RUNX2: variants seen among roughly 807,000 people sequenced by gnomAD.
RUNX2 encodes RUNX family transcription factor 2.
Under a neutral mutation model 51.7 loss-of-function variants are expected in RUNX2, and 10 were observed. That is an observed-to-expected ratio of 0.19 (90% CI 0.12 to 0.33). RUNX2 has a LOEUF of 0.33. Ranked by LOEUF, RUNX2 falls within the 10% of genes least tolerant of loss-of-function variation. The pLI is 1.00. For synonymous variants in RUNX2, 276 were observed against 273.6 expected, an observed-to-expected ratio of 1.01 and a Z score of -0.09; for missense variants, 562 against 691.3, an observed-to-expected ratio of 0.81 and a Z score of 2.10.
intron 2 of RUNX2, among the ~76,000 whole-genome samples, chr6:45,368,089 TAC>T (rs79523305): frequency 0.13 from 20,116 of 152,102 alleles, 1,531 homozygotes; most frequent in East Asian, 0.26. Context: ...CACTAATAAA[TAC>T]AGTTACTGTG....
chr6:45,529,563 G>T (rs1279659845), intron 7 of RUNX2, among the ~76,000 whole-genome samples: 1 of 151,984 alleles, frequency 6.6e-6, no homozygotes, highest in Non-Finnish European at 1.5e-5. Flanking sequence ...AGCCCATTGA[G>T]GGAAACGGGA....
chr6:45,383,163 G>A (rs948326045), intron 2 of RUNX2, among the ~76,000 whole-genome samples: 17 of 152,218 alleles, frequency 1.1e-4, no homozygotes, highest in Middle Eastern at 3.4e-3. Flanking sequence ...GGCCGGGCAC[G>A]GTGACTCAAA....
At chr6:45,458,207 A>C (rs899999866) in intron 5 of RUNX2, among the ~76,000 whole-genome samples, 5 of 152,070 alleles carry the variant, frequency 3.3e-5, no homozygotes, top group Admixed American at 6.5e-5. Flanking sequence ...TTGTATTTTT[A>C]GTAGGGACGG....
At chr6:45,342,115 A>G (rs1789901588) in intron 2 of RUNX2, among the ~76,000 whole-genome samples, 1 of 152,212 alleles carries the variant, frequency 6.6e-6, no homozygotes, top group African/African-American at 2.4e-5. Flanking sequence ...AAGGAAAATG[A>G]GACTGCCACT....
intron 7 of RUNX2, among the ~76,000 whole-genome samples, chr6:45,542,769 T>C (rs1211972412): frequency 2.0e-5 from 3 of 152,246 alleles, no homozygotes; most frequent in Non-Finnish European, 4.4e-5. Context: ...TAGATAGACC[T>C]GTGATCATGT....
At position 45,547,019 on chromosome 6, in the gene RUNX2, C is replaced by T. The variant is rs765308202; in HGVS notation, c.1280C>T (p.Pro427Leu). 4 of 1,614,122 alleles carry T rather than the reference C, an allele frequency of 2.5e-6. No homozygotes were observed. The highest frequency in any genetic ancestry group is 1.7e-6 in the Non-Finnish European group (2 of 1,180,036). Residue 427 changes from proline to leucine, a missense_variant, in exon 9 of 9, where the codon CCC becomes CTC. Transcript: ENST00000647337. ...CACACCTACCTGCCACCACCCTACC[C>T]CGGCTCTTCCCAAAGCCAGAGTGGA... ...HYHTYLPPPYPGSSQSQSGPF... is the reference protein window; with the variant it reads ...HYHTYLPPPYLGSSQSQSGPF...
At chr6:45,492,184 A>C in intron 6 of RUNX2, 70 bp downstream of exon 6, 3 of 1,478,916 alleles carry the variant, frequency 2.0e-6, no homozygotes, top group Non-Finnish European at 2.8e-6. Context: ...ACCAGAGGAG[A>C]TGTGTTCACT....
chr6:45,492,457 T>C (rs1357058240), intron 6 of RUNX2, among the ~76,000 whole-genome samples: 1 of 152,194 alleles, frequency 6.6e-6, no homozygotes, highest in South Asian at 2.1e-4. Context: ...CCCTTACTAT[T>C]AGAAAATTAG....
intron 2 of RUNX2, chr6:45,421,350 A>T (rs1798181776): frequency 6.6e-6 from 1 of 152,194 alleles, no homozygotes; most frequent in Non-Finnish European, 1.5e-5. Context: ...AGAAATGTCC[A>T]GCTATGCACT....
At position 45,422,827 on chromosome 6, in the gene RUNX2, A is replaced by G. The variant is rs766042547; in HGVS notation, c.293A>G (p.Asp98Gly). Reference protein sequence around the residue: ...AAVPRLRPPHDNRTMVEIIAD... With the variant: ...AAVPRLRPPHGNRTMVEIIAD... ...GTGCCCCGGTTGCGGCCGCCCCACG[A>G]CAACCGCACCATGGTGGAGATCATC... Residue 98 changes from aspartate (D) to glycine (G), a missense_variant, in exon 3 of 9, where the codon GAC (aspartate) becomes GGC (glycine). Asp to Gly is a moderately conservative substitution (Grantham distance 94, BLOSUM62 -1). Coordinates refer to ENST00000647337, the MANE Select transcript of RUNX2 (RefSeq NM_001024630.4). 2 of 1,605,276 alleles carry G rather than the reference A, an allele frequency of 1.2e-6. No homozygotes were observed. The highest frequency in any genetic ancestry group is 2.2e-5 in the South Asian group (2 of 90,394).
At chr6:45,490,256 A>G (rs79710028) in intron 5 of RUNX2, among the ~76,000 whole-genome samples, 1 of 152,348 alleles carries the variant, frequency 6.6e-6, no homozygotes, top group East Asian at 1.9e-4. Flanking sequence ...GATACAAAAC[A>G]GTAATGGTGG....
Position 45,418,475 on chromosome 6 carries a change from T to C in RUNX2, c.59-4118T>C, listed in dbSNP as rs1269421868. On this transcript the variant is annotated intron_variant, in intron 2 of 8. Transcript: ENST00000647337. The stretch of plus-strand genomic sequence containing the variant: ...ATACAACTGAAAAGATGAATATTTC[T>C]GAAGAGAAATAGGGTGGGTGATTTG... Among the ~76,000 whole-genome samples, 4 of 152,208 alleles carry C rather than the reference T, an allele frequency of 2.6e-5. No homozygotes were observed. In the East Asian group the frequency reaches 7.7e-4, roughly 29 times the overall value.
At chr6:45,341,690 C>T (rs373604099) in intron 2 of RUNX2, among the ~76,000 whole-genome samples, 2 of 152,062 alleles carry the variant, frequency 1.3e-5, no homozygotes, top group African/African-American at 4.8e-5. Context: ...AAAATAACTA[C>T]GGAATAACAG....
At chr6:45,356,543 G>A (rs879881627) in intron 2 of RUNX2, among the ~76,000 whole-genome samples, 1 of 151,906 alleles carries the variant, frequency 6.6e-6, no homozygotes, top group Non-Finnish European at 1.5e-5. Context: ...GATTAAAAGC[G>A]TGTGCCACCA....
intron 2 of RUNX2, among the ~76,000 whole-genome samples, chr6:45,357,249 C>T (rs1179496045): frequency 4.0e-5 from 6 of 151,894 alleles, no homozygotes; most frequent in South Asian, 2.1e-4. Flanking sequence ...CCTTCTGACC[C>T]GCCCACCTCG....
At chr6:45,366,029 GA>G (rs1388116382) in intron 2 of RUNX2, among the ~76,000 whole-genome samples, 1 of 151,960 alleles carries the variant, frequency 6.6e-6, no homozygotes, top group African/African-American at 2.4e-5. Flanking sequence ...AAATTGGCAA[GA>G]TTTAGTCAAA....
intron 6 of RUNX2, among the ~76,000 whole-genome samples, chr6:45,493,315 G>T (rs1458822432): frequency 2.0e-5 from 3 of 152,110 alleles, no homozygotes; most frequent in Non-Finnish European, 4.4e-5. Flanking sequence ...TTTGAAGAAT[G>T]GCCATGTTTT....
At chr6:45,336,337 G>A (rs906419880) in intron 2 of RUNX2, among the ~76,000 whole-genome samples, 3 of 151,346 alleles carry the variant, frequency 2.0e-5, no homozygotes, top group African/African-American at 7.3e-5. Context: ...TAAGCATATT[G>A]CAGAATATTT....
chr6:45,514,986 T>G (rs1000611250), intron 7 of RUNX2, among the ~76,000 whole-genome samples: 7 of 152,010 alleles, frequency 4.6e-5, no homozygotes, highest in African/African-American at 1.7e-4. Flanking sequence ...TCCTTTGGAT[T>G]GAGTCCATTC....
Sources: gnomAD v4.1 joint callset for allele counts (sites outside exome capture counted in the v4.1 genomes callset) on GRCh38, gnomAD v4.1.1 for gene constraint, MANE v1.5 for transcripts, NCBI Gene and HGNC (gene_info 2026-07-23, HGNC 2026-07-21) for gene names.